The following TENM2 variants were observed in gnomAD, a reference collection of about 807,000 sequenced individuals.
TENM2 encodes the protein teneurin-2.
TENM2 carries 52 observed loss-of-function variants against 245.2 expected under a neutral mutation model. The ratio of observed to expected loss-of-function variants is 0.21; its 90% CI spans 0.17 to 0.27. The LOEUF (loss-of-function observed/expected upper bound fraction) is 0.27, where lower values mean the gene tolerates loss of function less well. TENM2 is among the 10% of genes least tolerant of loss of function. The probability of loss-of-function intolerance (pLI) is 1.00; values close to 1 mark genes in which losing one functional copy is unlikely to be tolerated. For synonymous variants in TENM2, 1,363 were observed against 1,438.9 expected (o/e 0.95, Z 1.19); for missense variants, 3,046 against 3,666.8 (o/e 0.83, Z 4.37).
chr5:168,199,125 C>G lies in TENM2; in HGVS notation c.3162+11C>G, dbSNP rs771381786. ...GTGCCTGAGACCCAGGTAGGAATGG[C>G]AGTGCCAGGGCGGGACTCTCAGGAC... On this transcript the variant is annotated intron_variant, in intron 16 of 28. Transcript: ENST00000518659. 6.2e-7 allele frequency: 1 copy of G among 1,606,752 alleles called. No homozygotes were observed. The highest frequency in any genetic ancestry group is 8.5e-7 in the Non-Finnish European group (1 of 1,174,380).
chr5:167,064,602 G>A, the TENM2 span, among the ~76,000 whole-genome samples: 2 of 152,174 alleles, frequency 1.3e-5, no homozygotes, highest in Non-Finnish European at 2.9e-5. Flanking sequence ...TAAGTGTGCA[G>A]TAAGCCTTTC....
chr5:167,731,423 A>T (rs1760429164), intron 2 of TENM2, among the ~76,000 whole-genome samples: 1 of 151,958 alleles, frequency 6.6e-6, no homozygotes, highest in Non-Finnish European at 1.5e-5. Flanking sequence ...TTGAGATCTA[A>T]ACCAGGTCAT....
chr5:167,783,519 T>G (rs559671203), intron 2 of TENM2, among the ~76,000 whole-genome samples: 2 of 152,338 alleles, frequency 1.3e-5, no homozygotes, highest in South Asian at 4.1e-4. Context: ...AACTCGTTAA[T>G]GCAGTTAGAT....
At chr5:167,437,858 G>A (rs760004797) in intron 2 of TENM2, among the ~76,000 whole-genome samples, 19 of 152,232 alleles carry the variant, frequency 1.2e-4, no homozygotes, top group Admixed American at 2.0e-4. Flanking sequence ...TGAGGCCTCC[G>A]CAGCCACGTG....
At chr5:167,129,464 A>G in the TENM2 span, among the ~76,000 whole-genome samples, 3 of 152,208 alleles carry the variant, frequency 2.0e-5, no homozygotes, top group African/African-American at 7.2e-5. Flanking sequence ...AAAATGGAAA[A>G]GCCAGCTGGA....
chr5:167,952,062 C>G (rs897552449), intron 3 of TENM2, among the ~76,000 whole-genome samples: 2 of 152,180 alleles, frequency 1.3e-5, no homozygotes, highest in African/African-American at 4.8e-5. Flanking sequence ...GAGGGCTGCC[C>G]CCTAGTCTCT....
At chr5:167,782,914 C>T (rs188211125) in intron 2 of TENM2, among the ~76,000 whole-genome samples, 88 of 152,274 alleles carry the variant, frequency 5.8e-4, no homozygotes, top group Admixed American at 5.7e-3. Context: ...AGCTCAGCAG[C>T]CAGGTTATTG....
At chr5:167,790,064 A>G (rs1448270650) in intron 2 of TENM2, among the ~76,000 whole-genome samples, 1 of 152,074 alleles carries the variant, frequency 6.6e-6, no homozygotes, top group South Asian at 2.1e-4. Context: ...CCTCTATCTC[A>G]GTTCTTTGAG....
intron 1 of TENM2, among the ~76,000 whole-genome samples, chr5:167,360,344 C>T (rs1186765616): frequency 1.3e-5 from 2 of 152,158 alleles, no homozygotes; most frequent in East Asian, 1.9e-4. Context: ...TTTGCTGATA[C>T]ATTTCAAGCC....
chr5:168,089,843 G>T (rs994069987), intron 7 of TENM2, among the ~76,000 whole-genome samples: 1 of 152,144 alleles, frequency 6.6e-6, no homozygotes, highest in African/African-American at 2.4e-5. Context: ...TTTTGTGTTT[G>T]CTGGGTGCCA....
intron 2 of TENM2, among the ~76,000 whole-genome samples, chr5:167,430,519 G>A (rs1050158829): frequency 6.6e-6 from 1 of 152,080 alleles, no homozygotes; most frequent in Non-Finnish European, 1.5e-5. Flanking sequence ...TTGGGCTTCC[G>A]GAGATGGCGG....
chr5:167,859,520 C>T (rs1771492501), intron 2 of TENM2, among the ~76,000 whole-genome samples: 1 of 107,470 alleles, frequency 9.3e-6, no homozygotes, highest in Non-Finnish European at 2.0e-5. Context: ...GGGGTCAGCC[C>T]CCCCACCCGG....
chr5:168,242,364 TCA>T (rs1248368292), intron 25 of TENM2, among the ~76,000 whole-genome samples: 1 of 152,134 alleles, frequency 6.6e-6, no homozygotes, highest in Non-Finnish European at 1.5e-5. Context: ...TGAAAATGCT[TCA>T]CAGTCTGTTC....
intron 2 of TENM2, among the ~76,000 whole-genome samples, chr5:167,775,963 G>T (rs905019410): frequency 6.6e-6 from 1 of 152,110 alleles, no homozygotes; most frequent in African/African-American, 2.4e-5. Flanking sequence ...TTCAAGAGCA[G>T]AGATGGGAAA....
chr5:168,028,036 G>A (rs1786780411), intron 5 of TENM2, among the ~76,000 whole-genome samples: 3 of 152,230 alleles, frequency 2.0e-5, no homozygotes, highest in Admixed American at 1.3e-4. Context: ...CACAAATGGA[G>A]CTTGCAGAGA....
chr5:167,151,431 C>A, the TENM2 span, among the ~76,000 whole-genome samples: 1 of 152,196 alleles, frequency 6.6e-6, no homozygotes, highest in Non-Finnish European at 1.5e-5. Flanking sequence ...TCTTCTAAAG[C>A]TGCTACCTAA....
At chr5:167,455,371 T>G (rs939832620) in intron 2 of TENM2, among the ~76,000 whole-genome samples, 4 of 152,050 alleles carry the variant, frequency 2.6e-5, no homozygotes, top group African/African-American at 9.7e-5. Context: ...AATATCGAAT[T>G]TCCTGAAAAA....
chr5:167,133,962 C>G, the TENM2 span, among the ~76,000 whole-genome samples: 1 of 152,178 alleles, frequency 6.6e-6, no homozygotes, highest in Non-Finnish European at 1.5e-5. Flanking sequence ...ACATCTACTT[C>G]AGAGCTTCCA....
In TENM2 at chr5:168,200,510, G is replaced by A. The variant is rs141116652; in HGVS notation, c.3430+379G>A. ...AGAAGAAGAGGATTTCAGGCAGAGA[G>A]AAGAGCAGGGTGTGTTTGACAGACA... On this transcript the variant is annotated intron_variant, in intron 17 of 28. Transcript: ENST00000518659. 7.3e-3 allele frequency among the ~76,000 whole-genome samples: 1,117 copies of A among 152,326 alleles called. 5 individuals carry two copies. The highest frequency in any genetic ancestry group is 0.012 in the Non-Finnish European group (806 of 68,024).
Sources: gnomAD v4.1 joint callset for allele counts (sites outside exome capture counted in the v4.1 genomes callset) on GRCh38, gnomAD v4.1.1 for gene constraint, MANE v1.5 for transcripts, NCBI Gene and HGNC (gene_info 2026-07-23, HGNC 2026-07-21) for gene names.